The following LHCGR variants were observed in gnomAD, a reference collection of about 807,000 sequenced individuals.
LHCGR encodes the protein lutropin-choriogonadotropic hormone receptor.
A neutral mutation model predicts 60.7 loss-of-function variants in LHCGR; 55 were observed. The observed-to-expected ratio is 0.91, with a 90% CI of 0.73 to 1.13. The LOEUF is 1.13. Among genes scored for constraint, LHCGR ranks in the 50% most tolerant of loss-of-function variants. LHCGR has a pLI of 0.00. For missense variants in LHCGR, 862 were observed against 836.0 expected (o/e 1.03, Z -0.38); for synonymous variants, 337 against 316.5 (o/e 1.06, Z -0.69).
In LHCGR at chr2:48,698,643, A is replaced by G; in HGVS notation, c.838T>C (p.Cys280Arg). The change falls in exon 9 of 11, where the codon TGT (cysteine) becomes CGT (arginine). Residue 280 changes from cysteine to arginine, a missense_variant. By Grantham distance (180) the Cys-to-Arg change is radical. Coordinates refer to ENST00000294954, the MANE Select transcript of LHCGR (RefSeq NM_000233.4). ...EATLTYPSHC[C>R]AFRNLPTKEQ... is the part of the protein sequence containing the mutation. Reference sequence around the variant, plus strand: ...TTTGTTGGCAAGTTTCTAAAAGCACAGCAGTGGCTGGGGTAAGTCAACGTG... The same window carrying G: ...TTTGTTGGCAAGTTTCTAAAAGCACGGCAGTGGCTGGGGTAAGTCAACGTG... 1 of 1,614,186 alleles carries G rather than the reference A, an allele frequency of 6.2e-7. No individual in the cohort carries two copies. The highest frequency in any genetic ancestry group is 8.5e-7 in the Non-Finnish European group (1 of 1,180,016).
chr2:48,716,324 A>G (rs1183343904), intron 6 of LHCGR, among the ~76,000 whole-genome samples: 20 of 152,216 alleles, frequency 1.3e-4, no homozygotes, highest in Admixed American at 1.3e-3. Context: ...GATTTATGGT[A>G]AGAAATTCAT....
chr2:48,696,969 C>T (rs1157036779), intron 9 of LHCGR, among the ~76,000 whole-genome samples: 1 of 152,198 alleles, frequency 6.6e-6, no homozygotes, highest in African/African-American at 2.4e-5. Flanking sequence ...CATCCTCTAC[C>T]TTGCTGCAAA....
chr2:48,708,027 C>A (rs1368650853), intron 8 of LHCGR, among the ~76,000 whole-genome samples: 1 of 152,206 alleles, frequency 6.6e-6, no homozygotes, highest in Non-Finnish European at 1.5e-5. Context: ...CCTCTGTGGG[C>A]TGTACCCACT....
rs1201381874 is a variant in LHCGR, at chr2:48,687,673, A to G, written c.*24T>C. On this transcript the variant is annotated 3_prime_UTR_variant, in exon 11 of 11. Coordinates refer to ENST00000294954, the MANE Select transcript of LHCGR (RefSeq NM_000233.4). Reference sequence around the variant, plus strand: ...TTTTTACAGGTTTAAGAACAATTCAATAATGCAGTTACTGATGTAACAGTT... The same window carrying G: ...TTTTTACAGGTTTAAGAACAATTCAGTAATGCAGTTACTGATGTAACAGTT... 26 of 1,582,684 alleles carry G rather than the reference A, an allele frequency of 1.6e-5. No individual in the cohort carries two copies. The South Asian group carries it at 2.7e-4, about 16-fold the overall frequency.
intron 1 of LHCGR, among the ~76,000 whole-genome samples, chr2:48,755,102 C>G (rs1001931670): frequency 6.6e-6 from 1 of 152,060 alleles, no homozygotes. Context: ...GGTGCCAGAG[C>G]TCACATTCAC....
intron 8 of LHCGR, among the ~76,000 whole-genome samples, chr2:48,700,653 A>G (rs2104397366): frequency 6.6e-6 from 1 of 152,340 alleles, no homozygotes; most frequent in South Asian, 2.1e-4. Flanking sequence ...AGCTCTGCCT[A>G]CAGGATGTGC....
chr2:48,746,584 A>C lies in LHCGR; in HGVS notation c.161+8927T>G, dbSNP rs570083930. Among the ~76,000 whole-genome samples, 8 of 152,292 alleles carry C rather than the reference A, an allele frequency of 5.3e-5. No individual in the cohort carries two copies. In the East Asian group the frequency reaches 1.3e-3, roughly 26 times the overall value. On this transcript the variant is annotated intron_variant, in intron 1 of 10. Transcript: ENST00000294954. ...TAAGACAGCCATTCCGCAGCACCCA[A>C]GATGGTGTGAGGAGTTTATGTCTTA...
rs192240682 is a variant in LHCGR, at chr2:48,738,610, G to T, written c.162-7312C>A. Among the ~76,000 whole-genome samples, 144 of 152,208 alleles carry T rather than the reference G, an allele frequency of 9.5e-4. 1 individual carries two copies. The highest frequency in any genetic ancestry group is 1.9e-3 in the Admixed American group (29 of 15,282). On this transcript the variant is annotated intron_variant, in intron 1 of 10. Coordinates refer to ENST00000294954, the MANE Select transcript of LHCGR (RefSeq NM_000233.4). The stretch of plus-strand genomic sequence containing the variant: ...TTCACCAGTTGTATCACCCACTCTT[G>T]CCCTCATGTAACCAATACACTAGAC...
rs62137532 is a variant in LHCGR at position 48,687,476 on chromosome 2, C to A, written c.*221G>T. 7 of 443,744 alleles carry A rather than the reference C, an allele frequency of 1.6e-5. No homozygotes were observed. Among genetic ancestry groups the A allele is most frequent in the East Asian group, 3.4e-5 (1 of 29,480 alleles). 27.5% of individuals were successfully genotyped at this position (443,744 alleles called of 1,614,324 possible). A position where few individuals can be genotyped will look rare whatever the true frequency, so the allele number is the denominator to read the frequency against. On this transcript the variant is annotated 3_prime_UTR_variant, in exon 11 of 11. Coordinates refer to ENST00000294954, the MANE Select transcript of LHCGR (RefSeq NM_000233.4). ...CAAAATTTCTATAAAAATTTCTAAA[C>A]ACTCTCAACTTCAGTATTTATGCCA... is the stretch of plus-strand genomic sequence containing the variant.
intron 10 of LHCGR, among the ~76,000 whole-genome samples, chr2:48,689,878 C>A (rs555543541): frequency 5.5e-4 from 84 of 152,270 alleles, no homozygotes; most frequent in Middle Eastern, 3.4e-3. Flanking sequence ...CCGCACCCAG[C>A]TAATTTTTTG....
intron 7 of LHCGR, among the ~76,000 whole-genome samples, chr2:48,709,952 A>G (rs542166166): frequency 2.6e-5 from 4 of 152,314 alleles, no homozygotes; most frequent in Non-Finnish European, 5.9e-5. Context: ...GAGCATCTGG[A>G]AAACCGTGGA....
chr2:48,712,441 G>A (rs951336548), intron 7 of LHCGR, among the ~76,000 whole-genome samples: 1 of 152,050 alleles, frequency 6.6e-6, no homozygotes, highest in African/African-American at 2.4e-5. Flanking sequence ...TGATATAAAT[G>A]CCTCTGATTT....
chr2:48,739,143 A>AT (rs1200750585), intron 1 of LHCGR, among the ~76,000 whole-genome samples: 1 of 152,252 alleles, frequency 6.6e-6, no homozygotes, highest in East Asian at 1.9e-4. Context: ...AATGGCGATC[A>AT]TTAAAAAGTC....
At chr2:48,740,833 C>T (rs1669415782) in intron 1 of LHCGR, among the ~76,000 whole-genome samples, 2 of 152,156 alleles carry the variant, frequency 1.3e-5, no homozygotes, top group Admixed American at 1.3e-4. Context: ...CGGAACAAAG[C>T]TGACAGAGAA....
At chr2:48,730,762 T>TA (rs1668952340) in intron 2 of LHCGR, among the ~76,000 whole-genome samples, 1 of 152,256 alleles carries the variant, frequency 6.6e-6, no homozygotes. Context: ...ACACTTTTGA[T>TA]AAATGCCTTT....
At chr2:48,723,036 AG>A (rs1381977240) in intron 6 of LHCGR, among the ~76,000 whole-genome samples, 2 of 152,238 alleles carry the variant, frequency 1.3e-5, no homozygotes, top group African/African-American at 4.8e-5. Flanking sequence ...AGACAGAGCA[AG>A]GTCCATTGAT....
Position 48,755,591 on chromosome 2 carries a change from C to T in LHCGR, c.81G>A (p.Glu27=), listed in dbSNP as rs527550554. The change falls in exon 1 of 11, where the codon GAG becomes GAA. Residue 27 remains glutamate, a synonymous_variant. Transcript: ENST00000294954. ...LQPPLPRALR[E]ALCPEPCNCV... ...AGTTGCAGGGCTCAGGGCAGAGCGC[C>T]TCGCGCAGCGCTCGTGGCAGCGGCG... The T allele has an allele frequency of 3.2e-5, 50 of 1,538,478 alleles. 1 individual carries two copies. The Middle Eastern group carries it at 2.8e-3, about 85-fold the overall frequency.
At chr2:48,723,783 AG>A (rs1668603044) in intron 4 of LHCGR, 87 bp from the exon 5 acceptor site, 1 of 1,005,082 alleles carries the variant, frequency 9.9e-7, no homozygotes, top group South Asian at 1.3e-5. Flanking sequence ...GAGAGTACAA[AG>A]GCATTTTGCA....
At chr2:48,728,965 A>G (rs1274247035) in intron 3 of LHCGR, among the ~76,000 whole-genome samples, 188 bp downstream of exon 3, 3 of 152,208 alleles carry the variant, frequency 2.0e-5, no homozygotes, top group Non-Finnish European at 2.9e-5. Context: ...AGGGAGAAGC[A>G]GTTGTCACCA....
Sources: gnomAD v4.1 joint callset for allele counts (sites outside exome capture counted in the v4.1 genomes callset) on GRCh38, gnomAD v4.1.1 for gene constraint, MANE v1.5 for transcripts, NCBI Gene and HGNC (gene_info 2026-07-23, HGNC 2026-07-21) for gene names.